The following ZNF710 variants were observed in gnomAD, a reference collection of about 807,000 sequenced individuals.
The protein encoded by ZNF710 is zinc finger protein 710.
ZNF710 carries 13 observed loss-of-function variants against 50.6 expected under a neutral mutation model. The observed-to-expected ratio is 0.26, with a 90% CI of 0.17 to 0.41. The LOEUF is 0.41. ZNF710 is among the 10% of genes least tolerant of loss of function. The pLI, the probability that ZNF710 is intolerant of heterozygous loss-of-function variation, is 1.00. For missense variants in ZNF710, 721 were observed against 936.6 expected, an observed-to-expected ratio of 0.77 and a Z score of 3.01; for synonymous variants, 383 against 397.0, an observed-to-expected ratio of 0.96 and a Z score of 0.42.
rs1900240038 is a variant in ZNF710, at chr15:90,067,912, G to A, written c.775G>A (p.Ala259Thr). Residue 259 changes from alanine to threonine, a missense_variant, in exon 2 of 5, where the codon GCG becomes ACG. By Grantham distance (58) the Ala-to-Thr change is moderately conservative (BLOSUM62 0). Coordinates refer to ENST00000268154, the MANE Select transcript of ZNF710 (RefSeq NM_198526.4). This position sits in a 1 kb window ranked among gnomAD's most constrained non-coding sequence, Gnocchi z 8.1. The part of the protein sequence containing the change: ...QEASEFEADT[A>T]GSTVERHKKA... The stretch of plus-strand genomic sequence containing the variant: ...GGCCAGTGAGTTCGAGGCTGACACG[G>A]CGGGTTCGACCGTGGAACGCCACAA... 6.2e-7 allele frequency: 1 copy of A among 1,610,860 alleles called. No homozygotes were observed. Among genetic ancestry groups the A allele is most frequent in the Admixed American group, 1.7e-5 (1 of 59,940 alleles).
At chr15:90,070,790 G>A (rs974331295) in intron 2 of ZNF710, among the ~76,000 whole-genome samples, 8 of 152,250 alleles carry the variant, frequency 5.3e-5, no homozygotes, top group Non-Finnish European at 1.2e-4. Flanking sequence ...CTGCACTCCA[G>A]TCTGGGCAAC....
At chr15:90,012,131 G>A (rs1898321812) in intron 1 of ZNF710, among the ~76,000 whole-genome samples, 1 of 151,896 alleles carries the variant, frequency 6.6e-6, no homozygotes, top group Non-Finnish European at 1.5e-5. Flanking sequence ...CTTGAACCCG[G>A]GAGGTAGAGG....
rs117315387 is a variant in ZNF710, at chr15:90,050,869, G to A, written c.-28-16241G>A. Reference sequence around the variant, plus strand: ...ATCTTGTCTCTAGCCAAATTGTGAGGTCCTGAGACTGGGGATCTTTGTGCC... The same window carrying A: ...ATCTTGTCTCTAGCCAAATTGTGAGATCCTGAGACTGGGGATCTTTGTGCC... On this transcript the variant is annotated intron_variant, in intron 1 of 4. Transcript: ENST00000268154. 5.3e-4 allele frequency among the ~76,000 whole-genome samples: 81 copies of A among 152,170 alleles called. 1 individual carries two copies. In the East Asian group the frequency reaches 0.014, roughly 25 times the overall value.
chr15:90,018,209 C>T (rs1355681036), intron 1 of ZNF710, among the ~76,000 whole-genome samples: 1 of 149,742 alleles, frequency 6.7e-6, no homozygotes, highest in Non-Finnish European at 1.5e-5. Context: ...TGCTCTGTCA[C>T]CCAGACTGGA....
At chr15:90,043,766 TTCTG>T (rs982659281) in intron 1 of ZNF710, among the ~76,000 whole-genome samples, 8 of 152,302 alleles carry the variant, frequency 5.3e-5, no homozygotes, top group African/African-American at 1.9e-4. Flanking sequence ...CTTTCAAAGC[TTCTG>T]TCTTTCTCTC....
intron 4 of ZNF710, among the ~76,000 whole-genome samples, chr15:90,077,400 C>G (rs1019258088): frequency 6.6e-6 from 1 of 152,000 alleles, no homozygotes; most frequent in Admixed American, 6.5e-5. Context: ...CCTGCCACCA[C>G]GCCCGGCTAA....
chr15:90,073,190 G>C lies in ZNF710; in HGVS notation c.1578G>C (p.Lys526Asn). 1 of 1,614,190 alleles carries C rather than the reference G, an allele frequency of 6.2e-7. No individual in the cohort carries two copies. The highest frequency in any genetic ancestry group is 8.5e-7 in the Non-Finnish European group (1 of 1,180,038). Residue 526 changes from lysine (K) to asparagine (N), a missense_variant, in exon 3 of 5, where the codon AAG (lysine) becomes AAC (asparagine). By Grantham distance (94) the Lys-to-Asn change is moderately conservative. Transcript: ENST00000268154. Reference protein sequence around the residue: ...VRPYQCHICFKTFVQKQTLKT... With the variant: ...VRPYQCHICFNTFVQKQTLKT... ...CCTACCAGTGCCACATCTGCTTCAA[G>C]ACCTTTGTACAGAAGCAGACTCTCA...
chr15:90,079,887 T>A lies in ZNF710; in HGVS notation c.*58T>A. On this transcript the variant is annotated 3_prime_UTR_variant, in exon 5 of 5. Coordinates refer to ENST00000268154, the MANE Select transcript of ZNF710 (RefSeq NM_198526.4). ...GGCGAGGGCATGGGGGTGAGACCCA[T>A]GGGCTGCAGGCTGCACCTCCTGCAG... is the stretch of plus-strand genomic sequence containing the variant. 1 of 1,492,986 alleles carries A rather than the reference T, an allele frequency of 6.7e-7. No homozygotes were observed. Among genetic ancestry groups the A allele is most frequent in the East Asian group, 2.4e-5 (1 of 41,516 alleles). 92.5% of individuals were successfully genotyped at this position (1,492,986 alleles called of 1,614,324 possible).
intron 1 of ZNF710, among the ~76,000 whole-genome samples, chr15:90,008,571 C>G (rs948488197): frequency 5.3e-5 from 8 of 150,080 alleles, no homozygotes; most frequent in Admixed American, 1.3e-4. Flanking sequence ...TTGCTTGAGC[C>G]CAGGAGTTTG....
intron 4 of ZNF710, chr15:90,074,826 C>G (rs1900537225): frequency 3.2e-6 from 1 of 315,358 alleles, no homozygotes; most frequent in Non-Finnish European, 6.1e-6. Context: ...CATGGGAGGT[C>G]CTAAGCAAGG....
At chr15:90,038,628 CTGA>C (rs1273164203) in intron 1 of ZNF710, among the ~76,000 whole-genome samples, 1 of 151,908 alleles carries the variant, frequency 6.6e-6, no homozygotes, top group Non-Finnish European at 1.5e-5. Context: ...GGCTGTTTTC[CTGA>C]TCCAAAAATC....
chr15:90,012,248 T>A (rs895012844), intron 1 of ZNF710, among the ~76,000 whole-genome samples: 6 of 150,798 alleles, frequency 4.0e-5, no homozygotes, highest in African/African-American at 1.5e-4. Flanking sequence ...CCAAGTATTG[T>A]TCCCTTAGAT....
rs936484422 is a variant in ZNF710 at position 90,001,570 on chromosome 15, C to T, written c.-73C>T. The stretch of plus-strand genomic sequence containing the variant: ...CAGGAGCCCCCGGCCCGGCCCGGCC[C>T]GGCCCGCCGAGGGCCCCAGCGCAGG... On this transcript the variant is annotated 5_prime_UTR_variant, in exon 1 of 5. Transcript: ENST00000268154. 2.1e-5 allele frequency: 3 copies of T among 146,052 alleles called. No homozygotes were observed. The highest frequency in any genetic ancestry group is 7.4e-5 in the African/African-American group (3 of 40,524). 9.0% of individuals were successfully genotyped at this position (146,052 alleles called of 1,614,324 possible). A position where few individuals can be genotyped will look rare whatever the true frequency, so the allele number is the denominator to read the frequency against.
chr15:90,002,418 C>G (rs1898036923), intron 1 of ZNF710: 2 of 152,068 alleles, frequency 1.3e-5, no homozygotes, highest in Admixed American at 1.3e-4. Context: ...CCCTACGGCC[C>G]GTCTTGAGCC....
chr15:90,051,557 G>A (rs1345732988), intron 1 of ZNF710, among the ~76,000 whole-genome samples: 1 of 151,168 alleles, frequency 6.6e-6, no homozygotes, highest in Non-Finnish European at 1.5e-5. Context: ...CGCTTGAACT[G>A]GGGAGGCAGA....
At chr15:90,026,290 G>GAAAAAA (rs1898778850) in intron 1 of ZNF710, among the ~76,000 whole-genome samples, 1 of 138,616 alleles carries the variant, frequency 7.2e-6, no homozygotes, top group Non-Finnish European at 1.6e-5. Context: ...AAGGGAATGA[G>GAAAAAA]AAAGGGGACA....
chr15:90,055,031 G>C (rs1462260049), intron 1 of ZNF710, among the ~76,000 whole-genome samples: 5 of 152,232 alleles, frequency 3.3e-5, no homozygotes, highest in African/African-American at 1.2e-4. Context: ...TGCTAGGGAT[G>C]CAGTGGTGAG....
At chr15:90,047,653 C>A (rs1899509814) in intron 1 of ZNF710, among the ~76,000 whole-genome samples, 1 of 149,478 alleles carries the variant, frequency 6.7e-6, no homozygotes, top group South Asian at 2.1e-4. Flanking sequence ...GGTGCGATCT[C>A]AGCTCACCGC....
chr15:90,035,604 C>CT (rs1435491919), intron 1 of ZNF710, among the ~76,000 whole-genome samples: 1 of 152,228 alleles, frequency 6.6e-6, no homozygotes, highest in Non-Finnish European at 1.5e-5. Flanking sequence ...CATATCTCAT[C>CT]TGAGTTAGGC....
Sources: allele counts gnomAD v4.1 joint callset (sites outside exome capture counted in the v4.1 genomes callset), GRCh38; gene constraint gnomAD v4.1.1; non-coding constraint Gnocchi (gnomAD v3.1); transcripts MANE v1.5; gene names NCBI Gene and HGNC (gene_info 2026-07-23, HGNC 2026-07-21).